LRRFIP1: variants seen among roughly 807,000 people sequenced by gnomAD.
LRRFIP1 encodes the protein leucine-rich repeat flightless-interacting protein 1.
A neutral mutation model predicts 104.4 loss-of-function variants in LRRFIP1; 62 were observed. That is an observed-to-expected ratio of 0.59 (90% CI 0.48 to 0.73). The LOEUF (loss-of-function observed/expected upper bound fraction) is 0.73. Ranked by LOEUF, LRRFIP1 falls within the 30% of genes least tolerant of loss-of-function variation. The probability of loss-of-function intolerance (pLI) is 0.00; values close to 1 mark genes in which losing one functional copy is unlikely to be tolerated. For missense variants in LRRFIP1, 796 were observed against 824.5 expected (o/e 0.97, Z 0.42); for synonymous variants, 300 against 299.0 (o/e 1.00, Z -0.03).
At chr2:237,675,555 C>A (rs1013556706) in intron 1 of LRRFIP1, among the ~76,000 whole-genome samples, 1 of 152,154 alleles carries the variant, frequency 6.6e-6, no homozygotes, top group Non-Finnish European at 1.5e-5. Flanking sequence ...GTTTCCTGGG[C>A]TGGGTTTAAA....
intron 1 of LRRFIP1, among the ~76,000 whole-genome samples, chr2:237,693,949 G>A (rs559517119): frequency 6.6e-5 from 10 of 152,254 alleles, no homozygotes; most frequent in Middle Eastern, 3.4e-3. Flanking sequence ...GAAGGGAGAG[G>A]AAAGTCTGGA....
intron 10 of LRRFIP1, among the ~76,000 whole-genome samples, chr2:237,737,987 A>G (rs2095303987): frequency 6.6e-6 from 1 of 152,234 alleles, no homozygotes; most frequent in Non-Finnish European, 1.5e-5. Context: ...ATTTTAGTCT[A>G]CAGTTGAAAT....
intron 19 of LRRFIP1, chr2:237,764,153 G>T (rs747076089): frequency 1.7e-5 from 28 of 1,614,040 alleles, no homozygotes; most frequent in Non-Finnish European, 2.4e-5. Context: ...TGAGGCAGGC[G>T]GCAGGCGCGG....
At chr2:237,667,269 A>G (rs1439386360) in intron 1 of LRRFIP1, among the ~76,000 whole-genome samples, 1 of 152,122 alleles carries the variant, frequency 6.6e-6, no homozygotes, top group African/African-American at 2.4e-5. Context: ...ATGAGTGAGA[A>G]CATGTGGTGT....
At chr2:237,719,939 A>ATTTT (rs2094476434) in intron 5 of LRRFIP1, among the ~76,000 whole-genome samples, 4 of 130,470 alleles carry the variant, frequency 3.1e-5, no homozygotes, top group Admixed American at 7.8e-5. Context: ...GGATGAAATT[A>ATTTT]CTTTTTTTTT....
chr2:237,690,234 GT>G (rs1468775783), intron 1 of LRRFIP1, among the ~76,000 whole-genome samples: 1 of 152,166 alleles, frequency 6.6e-6, no homozygotes, highest in Non-Finnish European at 1.5e-5. Context: ...TGGTCACAGG[GT>G]TCGGGGTGTT....
At chr2:237,706,388 C>T (rs1168032792) in intron 1 of LRRFIP1, among the ~76,000 whole-genome samples, 1 of 152,148 alleles carries the variant, frequency 6.6e-6, no homozygotes, top group Non-Finnish European at 1.5e-5. Flanking sequence ...CCGGCCCCTC[C>T]TCTCTGTTCC....
chr2:237,705,023 C>T (rs2093734598), intron 1 of LRRFIP1, among the ~76,000 whole-genome samples: 1 of 152,190 alleles, frequency 6.6e-6, no homozygotes, highest in Non-Finnish European at 1.5e-5. Context: ...GAGGGCAGAC[C>T]CCCGAGAGCA....
chr2:237,662,377 T>C (rs7597390), intron 1 of LRRFIP1, among the ~76,000 whole-genome samples: 2,751 of 152,224 alleles, frequency 0.018, 68 homozygotes, highest in African/African-American at 0.062. Flanking sequence ...ACATGAACTT[T>C]TGGGGGATGT....
chr2:237,678,044 A>G (rs1384606153), intron 1 of LRRFIP1, among the ~76,000 whole-genome samples: 2 of 152,038 alleles, frequency 1.3e-5, no homozygotes, highest in African/African-American at 2.4e-5. Context: ...AACCTACACC[A>G]TGGGAGGGTC....
chr2:237,662,115 C>T lies in LRRFIP1; in HGVS notation c.96+34375C>T, dbSNP rs369271929. Among the ~76,000 whole-genome samples, 8 of 152,114 alleles carry T rather than the reference C, an allele frequency of 5.3e-5. No homozygotes were observed. In the South Asian group the frequency reaches 8.3e-4, roughly 16 times the overall value. ...GGCTCTGAGGGGAAGGTGTTCCAGGCGTCTCTCCAGCTTCTGGTGCTGCTG... is the reference window on the plus strand; with the variant it reads ...GGCTCTGAGGGGAAGGTGTTCCAGGTGTCTCTCCAGCTTCTGGTGCTGCTG... On this transcript the variant is annotated intron_variant, in intron 1 of 23. Transcript: ENST00000308482.
rs1038407670 is a variant in LRRFIP1 at position 237,719,655 on chromosome 2, A to G, written c.294+88A>G. On this transcript the variant is annotated intron_variant, in intron 5 of 23. Transcript: ENST00000308482. ...GGCTGAAGTATATATAATATATTCA[A>G]TCTCTTAATGATGATATCATCTCTT... The G allele has an allele frequency of 5.3e-5, 45 of 845,422 alleles. 1 individual carries two copies. The highest frequency in any genetic ancestry group is 6.3e-5 in the Non-Finnish European group (33 of 523,530). The allele number at this position is 845,422 out of a possible 1,614,324, so 52.4% of individuals were successfully genotyped here.
intron 1 of LRRFIP1, among the ~76,000 whole-genome samples, chr2:237,678,963 C>T (rs918433954): frequency 6.6e-6 from 1 of 152,196 alleles, no homozygotes; most frequent in Non-Finnish European, 1.5e-5. Flanking sequence ...TCCCATTTTA[C>T]AGATGAGGAA....
At chr2:237,662,928 C>T (rs1358782893) in intron 1 of LRRFIP1, among the ~76,000 whole-genome samples, 2 of 152,186 alleles carry the variant, frequency 1.3e-5, no homozygotes, top group African/African-American at 4.8e-5. Context: ...CCAGTGATTA[C>T]TACCTCTTCC....
intron 18 of LRRFIP1, 37 bp downstream of exon 18, chr2:237,758,858 G>GAA (rs3215064): frequency 0.055 from 80,942 of 1,473,646 alleles, 3,348 homozygotes; most frequent in African/African-American, 0.23. Context: ...TAAAAAAAAA[G>GAA]AAAAAAAATC....
chr2:237,708,897 G>A, intron 2 of LRRFIP1: 1 of 585,170 alleles, frequency 1.7e-6, no homozygotes, highest in East Asian at 3.5e-5. Context: ...TAGCTGCGAG[G>A]AGCCAAAATG....
rs1299287179 is a variant in LRRFIP1, at chr2:237,766,782, C to T, written c.1460-3161C>T. Among the ~76,000 whole-genome samples the T allele has an allele frequency of 6.6e-6, 1 of 152,212 alleles. No individual in the cohort carries two copies. The highest frequency in any genetic ancestry group is 1.9e-4 in the East Asian group (1 of 5,192). On this transcript the variant is annotated intron_variant, in intron 19 of 23. Coordinates refer to ENST00000308482, the MANE Select transcript of LRRFIP1 (RefSeq NM_001137550.2). The surrounding 1 kb of genome is among the most constrained non-coding windows in gnomAD (Gnocchi z 4.8). Reference sequence around the variant, plus strand: ...AAACCATTTCTCGATGATTTCAGAGCCTTCATTCTGAGCATCAGTTATATG... The same window carrying T: ...AAACCATTTCTCGATGATTTCAGAGTCTTCATTCTGAGCATCAGTTATATG...
chr2:237,721,798 C>G (rs892717097), intron 6 of LRRFIP1: 1 of 152,180 alleles, frequency 6.6e-6, no homozygotes, highest in Non-Finnish European at 1.5e-5. Flanking sequence ...CCTTGCAGTG[C>G]CAAAAGCAGA....
intron 8 of LRRFIP1, among the ~76,000 whole-genome samples, chr2:237,732,270 T>C (rs1018892867): frequency 1.3e-5 from 2 of 152,152 alleles, no homozygotes; most frequent in Non-Finnish European, 2.9e-5. Context: ...GATGTACCTT[T>C]GCGATGCCGT....
Sources: gnomAD v4.1 joint callset for allele counts (sites outside exome capture counted in the v4.1 genomes callset) on GRCh38, gnomAD v4.1.1 for gene constraint, Gnocchi (gnomAD v3.1) non-coding constraint, MANE v1.5 for transcripts, NCBI Gene and HGNC (gene_info 2026-07-23, HGNC 2026-07-21) for gene names.